Variants in WDR48 observed in about 807,000 individuals in gnomAD.
WDR48 encodes WD repeat-containing protein 48.
In WDR48, 22 loss-of-function variants were observed where a neutral mutation model predicts 94.0. That is an observed-to-expected ratio of 0.23 (90% CI 0.17 to 0.33). The LOEUF (loss-of-function observed/expected upper bound fraction) is 0.33. Ranked by LOEUF, WDR48 falls within the 10% of genes least tolerant of loss-of-function variation. WDR48 has a pLI of 1.00. For synonymous variants in WDR48, 278 were observed against 280.5 expected, an observed-to-expected ratio of 0.99 and a Z score of 0.09; for missense variants, 541 against 813.8, an observed-to-expected ratio of 0.66 and a Z score of 4.08.
chr3:39,054,156 T>C (rs1003980165), intron 1 of WDR48, among the ~76,000 whole-genome samples: 2 of 152,222 alleles, frequency 1.3e-5, no homozygotes, highest in Admixed American at 1.3e-4. Context: ...AACTAATGCG[T>C]GTTCATTGTA....
chr3:39,087,269 G>A (rs1366506845), intron 14 of WDR48, among the ~76,000 whole-genome samples: 1 of 152,204 alleles, frequency 6.6e-6, no homozygotes. Flanking sequence ...AGCTAGGCGT[G>A]ATGGCTCACA....
At chr3:39,075,058 G>T in intron 8 of WDR48, 108 bp downstream of exon 8, 1 of 1,087,942 alleles carries the variant, frequency 9.2e-7, no homozygotes, top group Non-Finnish European at 1.3e-6. Flanking sequence ...GGTTCGGAGG[G>T]GGAAGGTTTG....
chr3:39,088,297 C>T, intron 15 of WDR48, 64 bp downstream of exon 15: 1 of 1,471,538 alleles, frequency 6.8e-7, no homozygotes, highest in Non-Finnish European at 9.5e-7. Context: ...GAAGTGTCGA[C>T]TCAAACTCAG....
chr3:39,054,513 C>T (rs2032723708), intron 1 of WDR48, among the ~76,000 whole-genome samples: 1 of 152,348 alleles, frequency 6.6e-6, no homozygotes, highest in South Asian at 2.1e-4. Context: ...CCTGACTTAA[C>T]ATATTTTTTT....
intron 11 of WDR48, among the ~76,000 whole-genome samples, chr3:39,081,745 CCTAT>C (rs1386576128): frequency 2.0e-5 from 3 of 152,176 alleles, no homozygotes; most frequent in Non-Finnish European, 4.4e-5. Flanking sequence ...TGAGAGTTGA[CCTAT>C]CTGTTTTCTG....
At chr3:39,068,655 C>A in intron 5 of WDR48, 116 bp from the exon 6 acceptor site, 2 of 623,500 alleles carry the variant, frequency 3.2e-6, no homozygotes, top group Non-Finnish European at 5.7e-6. Flanking sequence ...ATTTCTTTTC[C>A]GTAGAGGACT....
At chr3:39,070,031 G>A (rs906181248) in intron 7 of WDR48, among the ~76,000 whole-genome samples, 2 of 152,168 alleles carry the variant, frequency 1.3e-5, no homozygotes, top group African/African-American at 2.4e-5. Context: ...CCTGTGTAAA[G>A]CAAAAGGAAG....
intron 7 of WDR48, among the ~76,000 whole-genome samples, chr3:39,070,469 C>T (rs968669910): frequency 1.3e-5 from 2 of 152,072 alleles, no homozygotes; most frequent in African/African-American, 4.8e-5. Flanking sequence ...AGGTGAGAAA[C>T]ACCATCAGTT....
rs755546972 is a variant in WDR48, at chr3:39,085,595, A to G, written c.1459A>G (p.Asn487Asp). 6.2e-7 allele frequency: 1 copy of G among 1,611,012 alleles called. No homozygotes were observed. Among genetic ancestry groups the G allele is most frequent in the Non-Finnish European group, 8.5e-7 (1 of 1,179,142 alleles). The change falls in exon 14 of 19, where the codon AAT becomes GAT. Residue 487 changes from asparagine (N) to aspartate (D), a missense_variant. By Grantham distance (23) the Asn-to-Asp change is conservative. This residue lies in a region of WDR48 where 238 missense variants were observed against 285.3 expected (regional missense o/e 0.83). Coordinates refer to ENST00000302313, the MANE Select transcript of WDR48 (RefSeq NM_020839.4). ...TGTGAATCCAATGGATGAAGAGGAA[A>G]ATGAAGTAAACCATGGTTAGTTTTT... ...THVNPMDEEE[N>D]EVNHVNGEQE... is the part of the protein sequence containing the mutation.
rs2034965649 is a variant in WDR48 at position 39,089,277 on chromosome 3, A to C, written c.1627A>C (p.Asn543His). ...SGGETESMLL[N>H]ETVPQWVIDI... ...GGGTGAGACTGAGTCTATGCTTCTT[A>C]ATGAAACAGTGCCACAATGGGTAAT... is the stretch of plus-strand genomic sequence containing the variant. Residue 543 changes from asparagine (N) to histidine (H), a missense_variant, in exon 16 of 19, where the codon AAT (asparagine) becomes CAT (histidine). Asn to His is a moderately conservative substitution (Grantham distance 68). Around this residue, in one of 5 missense-constraint regions of WDR48, gnomAD observed 109 missense variants for 195.5 expected, o/e 0.56. Coordinates refer to ENST00000302313, the MANE Select transcript of WDR48 (RefSeq NM_020839.4). The C allele has an allele frequency of 6.2e-7, 1 of 1,613,564 alleles. No homozygotes were observed. Among genetic ancestry groups the C allele is most frequent in the Non-Finnish European group, 8.5e-7 (1 of 1,179,748 alleles).
At chr3:39,091,525 TA>T in intron 16 of WDR48, 99 bp from the exon 17 acceptor site, 2 of 893,750 alleles carry the variant, frequency 2.2e-6, no homozygotes, top group South Asian at 1.9e-5. Context: ...CTTTTAATTG[TA>T]AGATAATTAT....
At chr3:39,065,710 G>C in intron 2 of WDR48, 101 bp from the exon 3 acceptor site, 2 of 803,754 alleles carry the variant, frequency 2.5e-6, no homozygotes, top group South Asian at 4.1e-5. Flanking sequence ...TTAATGCCTA[G>C]AGCAGTATGT....
chr3:39,072,767 A>G (rs771683250), intron 7 of WDR48, among the ~76,000 whole-genome samples: 11 of 152,226 alleles, frequency 7.2e-5, no homozygotes, highest in Non-Finnish European at 1.5e-4. Context: ...TCCAGCTCCT[A>G]CAAGATCTCA....
chr3:39,052,101 C>T, intron 1 of WDR48, 28 bp downstream of exon 1: 2 of 1,612,418 alleles, frequency 1.2e-6, no homozygotes. Flanking sequence ...CTCGGTCTTC[C>T]GGACGCGGCC....
At chr3:39,088,381 G>C (rs1346371629) in intron 15 of WDR48, 148 bp downstream of exon 15, 4 of 737,236 alleles carry the variant, frequency 5.4e-6, no homozygotes, top group Non-Finnish European at 8.8e-6. Context: ...ATGTCCATGA[G>C]ATAGTGAAAT....
In WDR48 at chr3:39,069,747, A is replaced by C; in HGVS notation, c.672+3A>C. 1 of 1,611,092 alleles carries C rather than the reference A, an allele frequency of 6.2e-7. No individual in the cohort carries two copies. The highest frequency in any genetic ancestry group is 8.5e-7 in the Non-Finnish European group (1 of 1,178,106). On this transcript the variant is annotated splice_donor_region_variant and intron_variant, in intron 7 of 18. Coordinates refer to ENST00000302313, the MANE Select transcript of WDR48 (RefSeq NM_020839.4). ...TATTAAACAGAGATGGCACGCAAGTATGCAGTTTCATTTGGGTGTTTACCT... is the reference window on the plus strand; with the variant it reads ...TATTAAACAGAGATGGCACGCAAGTCTGCAGTTTCATTTGGGTGTTTACCT...
At chr3:39,056,098 G>C (rs1333858672) in intron 1 of WDR48, among the ~76,000 whole-genome samples, 2 of 152,188 alleles carry the variant, frequency 1.3e-5, no homozygotes, top group African/African-American at 4.8e-5. Flanking sequence ...GACATGTCTT[G>C]AAACATATCA....
chr3:39,059,640 TAC>T (rs1174376642), intron 1 of WDR48, among the ~76,000 whole-genome samples: 3 of 151,696 alleles, frequency 2.0e-5, no homozygotes, highest in East Asian at 3.9e-4. Flanking sequence ...AGATCTCAGT[TAC>T]AGTTAATTGC....
At chr3:39,094,466 T>C in intron 18 of WDR48, 182 bp from the exon 19 acceptor site, 1 of 1,534,224 alleles carries the variant, frequency 6.5e-7, no homozygotes, top group Non-Finnish European at 8.7e-7. Flanking sequence ...TCACAAAAGA[T>C]GTACATCTCA....
Sources: allele counts gnomAD v4.1 joint callset (sites outside exome capture counted in the v4.1 genomes callset), GRCh38; gene constraint gnomAD v4.1.1; regional missense constraint gnomAD v4.1.1; transcripts MANE v1.5; gene names NCBI Gene and HGNC (gene_info 2026-07-23, HGNC 2026-07-21).